The following NPAS3 variants were observed in gnomAD, a reference collection of about 807,000 sequenced individuals.
NPAS3 encodes the protein neuronal PAS domain-containing protein 3.
Under a neutral mutation model 73.1 loss-of-function variants are expected in NPAS3, and 14 were observed. The ratio of observed to expected loss-of-function variants is 0.19; its 90% confidence interval spans 0.13 to 0.30. The LOEUF is 0.30. NPAS3 is among the 10% of genes least tolerant of loss of function. The pLI, the probability that NPAS3 is intolerant of heterozygous loss-of-function variation, is 1.00. For synonymous variants in NPAS3, 620 were observed against 541.5 expected (o/e 1.14, Z -2.01); for missense variants, 1,096 against 1,250.0 (o/e 0.88, Z 1.86).
chr14:33,650,262 G>A (rs914171112), intron 5 of NPAS3, among the ~76,000 whole-genome samples: 2 of 152,222 alleles, frequency 1.3e-5, no homozygotes, highest in African/African-American at 4.8e-5. Context: ...CTTAACGCAA[G>A]CAGGAAACAA....
chr14:33,506,615 ATATGAT>A (rs1292237640), intron 4 of NPAS3, among the ~76,000 whole-genome samples: 1 of 152,050 alleles, frequency 6.6e-6, no homozygotes, highest in East Asian at 1.9e-4. Context: ...TTTTGTATTG[ATATGAT>A]TATAAGAGAT....
At chr14:33,703,574 T>C (rs962465068) in intron 6 of NPAS3, among the ~76,000 whole-genome samples, 3 of 145,408 alleles carry the variant, frequency 2.1e-5, no homozygotes, top group Non-Finnish European at 3.0e-5. Flanking sequence ...ACTTGCTTTC[T>C]AGGTTAAGAA....
chr14:33,317,731 G>A (rs1393702744), intron 3 of NPAS3, among the ~76,000 whole-genome samples: 1 of 152,002 alleles, frequency 6.6e-6, no homozygotes, highest in African/African-American at 2.4e-5. Flanking sequence ...GACCGCCCCA[G>A]CCATGCTAAA....
chr14:33,783,074 T>C (rs1057128116), intron 9 of NPAS3, among the ~76,000 whole-genome samples: 2 of 152,172 alleles, frequency 1.3e-5, no homozygotes, highest in South Asian at 2.1e-4. Flanking sequence ...CTCATTTTTT[T>C]CCACAACCGA....
intron 3 of NPAS3, among the ~76,000 whole-genome samples, chr14:33,317,309 A>T (rs780667385): frequency 1.3e-5 from 2 of 152,062 alleles, no homozygotes; most frequent in Non-Finnish European, 2.9e-5. Context: ...CTTTCGTGGT[A>T]CTGTTTTCTT....
intron 6 of NPAS3, among the ~76,000 whole-genome samples, chr14:33,682,176 A>G (rs529838394): frequency 6.6e-6 from 1 of 152,344 alleles, no homozygotes; most frequent in East Asian, 1.9e-4. Context: ...CTATAGGCAA[A>G]GATAAATCCA....
chr14:33,380,106 G>A (rs904683663), intron 4 of NPAS3, among the ~76,000 whole-genome samples: 1 of 151,276 alleles, frequency 6.6e-6, no homozygotes, highest in African/African-American at 2.4e-5. Context: ...ATAAAAATTA[G>A]GTATCTGACT....
intron 6 of NPAS3, among the ~76,000 whole-genome samples, chr14:33,723,401 T>TA (rs1186256636): frequency 6.6e-6 from 1 of 152,112 alleles, no homozygotes; most frequent in East Asian, 1.9e-4. Flanking sequence ...TGGATCATAC[T>TA]AAAAAAATCA....
At chr14:33,405,393 A>G (rs2047621815) in intron 4 of NPAS3, among the ~76,000 whole-genome samples, 1 of 152,112 alleles carries the variant, frequency 6.6e-6, no homozygotes, top group Non-Finnish European at 1.5e-5. Flanking sequence ...CCTCAGAAGT[A>G]ATTCACAAGT....
intron 4 of NPAS3, among the ~76,000 whole-genome samples, chr14:33,525,903 C>T (rs540435846): frequency 1.7e-4 from 26 of 150,736 alleles, no homozygotes; most frequent in East Asian, 9.7e-4. Flanking sequence ...TGTGAGATTA[C>T]GAAAGAGGAA....
At chr14:33,663,061 C>T (rs61972995) in intron 5 of NPAS3, among the ~76,000 whole-genome samples, 4 of 151,454 alleles carry the variant, frequency 2.6e-5, no homozygotes, top group Non-Finnish European at 4.4e-5. Context: ...ATTTGAATAC[C>T]CTTTATTTTT....
intron 2 of NPAS3, among the ~76,000 whole-genome samples, chr14:33,068,928 A>G (rs10146089): frequency 0.14 from 20,953 of 152,078 alleles, 4,808 homozygotes; most frequent in African/African-American, 0.48. Flanking sequence ...TCAGGGAGGC[A>G]ACAGCACACG....
At chr14:33,688,205 C>T (rs933735875) in intron 6 of NPAS3, among the ~76,000 whole-genome samples, 1 of 152,124 alleles carries the variant, frequency 6.6e-6, no homozygotes, top group Non-Finnish European at 1.5e-5. Context: ...CCCAATAGGT[C>T]GTTTTTCAAC....
chr14:33,545,854 T>C (rs988814064), intron 4 of NPAS3, among the ~76,000 whole-genome samples: 1 of 152,176 alleles, frequency 6.6e-6, no homozygotes, highest in African/African-American at 2.4e-5. Context: ...CCATAAGATA[T>C]GGCCTCTGGC....
chr14:33,738,260 C>T (rs1379605139), intron 7 of NPAS3, among the ~76,000 whole-genome samples: 1 of 152,192 alleles, frequency 6.6e-6, no homozygotes, highest in Non-Finnish European at 1.5e-5. Flanking sequence ...TAAGTAGCTA[C>T]TGAAGCACCA....
chr14:33,786,030 A>G (rs1945742741), intron 9 of NPAS3, among the ~76,000 whole-genome samples: 2 of 152,172 alleles, frequency 1.3e-5, no homozygotes, highest in Admixed American at 6.5e-5. Context: ...CTTGTGTCTC[A>G]TAGTCCCGTG....
chr14:33,347,158 A>C (rs940202028), intron 3 of NPAS3, among the ~76,000 whole-genome samples: 1 of 152,220 alleles, frequency 6.6e-6, no homozygotes, highest in African/African-American at 2.4e-5. Context: ...GCATCAATTC[A>C]TGCTGCTTTT....
intron 2 of NPAS3, among the ~76,000 whole-genome samples, chr14:33,174,021 T>C (rs1217909869): frequency 6.6e-6 from 1 of 152,252 alleles, no homozygotes; most frequent in Non-Finnish European, 1.5e-5. Flanking sequence ...AGCAAGTTCC[T>C]ATGTGAGGAG....
chr14:33,652,490 C>A (rs1411717335), intron 5 of NPAS3, among the ~76,000 whole-genome samples: 1 of 152,170 alleles, frequency 6.6e-6, no homozygotes, highest in East Asian at 1.9e-4. Context: ...AATATAGCTC[C>A]TAAAACCCTT....
Sources: allele counts gnomAD v4.1 joint callset (sites outside exome capture counted in the v4.1 genomes callset), GRCh38; gene constraint gnomAD v4.1.1; transcripts MANE v1.5; gene names NCBI Gene and HGNC (gene_info 2026-07-23, HGNC 2026-07-21).